The following TFPI variants were observed in gnomAD, a reference collection of about 807,000 sequenced individuals.
TFPI encodes the protein tissue factor pathway inhibitor.
Under a neutral mutation model 34.6 loss-of-function variants are expected in TFPI, and 15 were observed. That is an observed-to-expected ratio of 0.43 (90% CI 0.29 to 0.67). The LOEUF (loss-of-function observed/expected upper bound fraction) is 0.67, where lower values mean the gene tolerates loss of function less well. Ranked by LOEUF, TFPI falls within the 30% of genes least tolerant of loss-of-function variation. The pLI, the probability that TFPI is intolerant of heterozygous loss-of-function variation, is 0.15. For missense variants in TFPI, 301 were observed against 364.0 expected, an observed-to-expected ratio of 0.83 and a Z score of 1.41; for synonymous variants, 105 against 120.1, an observed-to-expected ratio of 0.87 and a Z score of 0.82.
intron 1 of TFPI, among the ~76,000 whole-genome samples, chr2:187,528,515 T>G (rs1327176101): frequency 2.0e-5 from 3 of 152,190 alleles, no homozygotes; most frequent in Non-Finnish European, 4.4e-5. Flanking sequence ...CAATTCAAAT[T>G]ATCTGGGATG....
At chr2:187,488,425 A>T (rs1165876826) in intron 3 of TFPI, 50 bp from the exon 4 acceptor site, 2 of 1,223,150 alleles carry the variant, frequency 1.6e-6, no homozygotes, top group Non-Finnish European at 2.2e-6. Flanking sequence ...TTATAAAGTA[A>T]TACTATGAAT....
At chr2:187,482,040 A>G (rs1692904783) in intron 6 of TFPI, among the ~76,000 whole-genome samples, 1 of 152,008 alleles carries the variant, frequency 6.6e-6, no homozygotes, top group Admixed American at 6.6e-5. Flanking sequence ...TCTCACACTA[A>G]TTTTTATTTT....
chr2:187,466,892 TATAAA>T lies in TFPI; in HGVS notation c.*39_*43del, dbSNP rs1691741268. On this transcript the variant is annotated 3_prime_UTR_variant, in exon 8 of 8. Coordinates refer to ENST00000233156, the MANE Select transcript of TFPI (RefSeq NM_006287.6). ...TAGAAAATCATAGTGAAACATTTCA[TATAAA>T]ATATTTAGTAGAATTAATGTTACAT... 2 of 1,069,462 alleles carry T rather than the reference TATAAA, an allele frequency of 1.9e-6. No homozygotes were observed. The highest frequency in any genetic ancestry group is 1.6e-5 in the African/African-American group (1 of 60,678). 66.2% of individuals were successfully genotyped at this position (1,069,462 alleles called of 1,614,324 possible). A position where few individuals can be genotyped will look rare whatever the true frequency, so the allele number is the denominator to read the frequency against.
chr2:187,470,647 C>T (rs1691979039), intron 6 of TFPI, among the ~76,000 whole-genome samples: 1 of 152,144 alleles, frequency 6.6e-6, no homozygotes, highest in Non-Finnish European at 1.5e-5. Flanking sequence ...TGCCATTTAC[C>T]AAATCCTTTC....
Position 187,484,176 on chromosome 2 carries a change from A to C in TFPI, c.576T>G (p.Asn192Lys). 6.2e-7 allele frequency: 1 copy of C among 1,612,428 alleles called. No homozygotes were observed. The highest frequency in any genetic ancestry group is 8.5e-7 in the Non-Finnish European group (1 of 1,178,836). ...FQVDNYGTQLNAVNNSLTPQS... is the reference protein window; with the variant it reads ...FQVDNYGTQLKAVNNSLTPQS... ...GCGGAGTCAGGGAGTTATTCACAGC[A>C]TTGAGCTGGGTTCCATAATTATCCA... is the stretch of plus-strand genomic sequence containing the variant. The change falls in exon 6 of 8, where the codon AAT (asparagine) becomes AAG (lysine). Residue 192 changes from asparagine to lysine, a missense_variant. Asn to Lys is a moderately conservative substitution (Grantham distance 94). Coordinates refer to ENST00000233156, the MANE Select transcript of TFPI (RefSeq NM_006287.6).
chr2:187,484,043 A>G, intron 6 of TFPI, 81 bp downstream of exon 6: 2 of 1,107,486 alleles, frequency 1.8e-6, no homozygotes, highest in African/African-American at 1.6e-5. Context: ...ATATTTAAAG[A>G]CATACTTCTA....
chr2:187,550,084 A>C (rs1689039850), intron 1 of TFPI, among the ~76,000 whole-genome samples: 1 of 152,078 alleles, frequency 6.6e-6, no homozygotes, highest in African/African-American at 2.4e-5. Flanking sequence ...TGGGAGACAA[A>C]GCAGACAGTC....
intron 6 of TFPI, chr2:187,478,915 T>A (rs1692592997): frequency 7.5e-6 from 6 of 803,548 alleles, no homozygotes; most frequent in Non-Finnish European, 1.1e-5. Flanking sequence ...ACATTATGTT[T>A]TTCTTCAAAA....
intron 1 of TFPI, among the ~76,000 whole-genome samples, chr2:187,522,927 TA>T (rs1165294368): frequency 3.0e-5 from 4 of 132,098 alleles, no homozygotes; most frequent in Non-Finnish European, 6.7e-5. Flanking sequence ...AATAAATAAA[TA>T]AATAATAAAA....
At chr2:187,498,539 T>A (rs1207230949) in intron 2 of TFPI, among the ~76,000 whole-genome samples, 1 of 151,900 alleles carries the variant, frequency 6.6e-6, no homozygotes, top group East Asian at 1.9e-4. Flanking sequence ...CAGCTTTCTA[T>A]ACATAAGTTG....
intron 1 of TFPI, among the ~76,000 whole-genome samples, chr2:187,535,033 G>T (rs554530414): frequency 1.3e-5 from 2 of 152,144 alleles, no homozygotes; most frequent in Non-Finnish European, 2.9e-5. Flanking sequence ...AACAAGAAGA[G>T]CTAACAATCC....
intron 2 of TFPI, among the ~76,000 whole-genome samples, 194 bp downstream of exon 2, chr2:187,503,452 CAT>C (rs1214793263): frequency 7.4e-6 from 1 of 135,246 alleles, no homozygotes; most frequent in Non-Finnish European, 1.6e-5. Context: ...TTAAAACACA[CAT>C]GTGCATGTAC....
At chr2:187,526,342 C>T (rs747829215) in intron 1 of TFPI, among the ~76,000 whole-genome samples, 27 of 151,964 alleles carry the variant, frequency 1.8e-4, no homozygotes, top group Non-Finnish European at 3.4e-4. Context: ...ATGTAAAAGA[C>T]ATGTTCTAAA....
chr2:187,465,492 G>GAAAAAAAAAAAAAAAA lies in TFPI; in HGVS notation c.*1443_*1444insTTTTTTTTTTTTTTTT, dbSNP rs199557966. Reference sequence around the variant, plus strand: ...AAAACATAACAAAACAAAACAAAATGAAAAAAAAAAAAAAACAAGAAAAAA... The same window carrying GAAAAAAAAAAAAAAAA: ...AAAACATAACAAAACAAAACAAAATGAAAAAAAAAAAAAAAAAAAAAAAAAAAAAAACAAGAAAAAA... On this transcript the variant is annotated 3_prime_UTR_variant, in exon 8 of 8. Transcript: ENST00000233156. The GAAAAAAAAAAAAAAAA allele has an allele frequency of 1.5e-5, 1 of 67,788 alleles. No individual in the cohort carries two copies. Among genetic ancestry groups the GAAAAAAAAAAAAAAAA allele is most frequent in the Non-Finnish European group, 2.8e-5 (1 of 35,776 alleles). The allele number at this position is 67,788 out of a possible 1,614,324, so 4.2% of individuals were successfully genotyped here.
intron 1 of TFPI, among the ~76,000 whole-genome samples, chr2:187,538,461 C>A (rs1688389663): frequency 6.6e-6 from 1 of 152,182 alleles, no homozygotes; most frequent in African/African-American, 2.4e-5. Flanking sequence ...TGGAAACCAT[C>A]ATTCTCAGCA....
At chr2:187,474,683 AG>A (rs1488719278) in intron 6 of TFPI, among the ~76,000 whole-genome samples, 1 of 152,188 alleles carries the variant, frequency 6.6e-6, no homozygotes, top group Non-Finnish European at 1.5e-5. Flanking sequence ...GAATTTGGGC[AG>A]GTAGAGAGCT....
chr2:187,500,355 T>C (rs1685770662), intron 2 of TFPI, among the ~76,000 whole-genome samples: 1 of 152,336 alleles, frequency 6.6e-6, no homozygotes, highest in African/African-American at 2.4e-5. Flanking sequence ...CTTAAATTCA[T>C]ACCATAAATG....
At chr2:187,496,601 T>C (rs1685496723) in intron 3 of TFPI, among the ~76,000 whole-genome samples, 3 of 152,102 alleles carry the variant, frequency 2.0e-5, no homozygotes, top group East Asian at 3.8e-4. Flanking sequence ...AACATGCAAG[T>C]TGACCGTACC....
At chr2:187,512,497 T>C (rs546067450) in intron 1 of TFPI, among the ~76,000 whole-genome samples, 1 of 148,846 alleles carries the variant, frequency 6.7e-6, no homozygotes, top group Admixed American at 6.8e-5. Context: ...GGATGATAGA[T>C]GGTTCCTCCT....
Sources: allele counts gnomAD v4.1 joint callset (sites outside exome capture counted in the v4.1 genomes callset), GRCh38; gene constraint gnomAD v4.1.1; transcripts MANE v1.5; gene names NCBI Gene and HGNC (gene_info 2026-07-23, HGNC 2026-07-21).